Variants in STK3 observed in about 807,000 individuals in gnomAD.
The protein encoded by STK3 is serine/threonine kinase 3.
In STK3, 41 loss-of-function variants were observed where a neutral mutation model predicts 58.0. The ratio of observed to expected loss-of-function variants is 0.71; its 90% CI spans 0.55 to 0.92. STK3 has a LOEUF of 0.92. STK3 is among the 40% of genes least tolerant of loss of function. The pLI is 0.00. For synonymous variants in STK3, 170 were observed against 191.0 expected, an observed-to-expected ratio of 0.89 and a Z score of 0.91; for missense variants, 479 against 602.7, an observed-to-expected ratio of 0.79 and a Z score of 2.15.
At chr8:98,694,882 G>A (rs1381931957) in intron 6 of STK3, among the ~76,000 whole-genome samples, 1 of 152,116 alleles carries the variant, frequency 6.6e-6, no homozygotes, top group African/African-American at 2.4e-5. Context: ...GGGATGGCTG[G>A]GTCAAATGGT....
intron 1 of STK3, among the ~76,000 whole-genome samples, chr8:98,895,558 T>C (rs1265254752): frequency 6.6e-6 from 1 of 152,060 alleles, no homozygotes; most frequent in Non-Finnish European, 1.5e-5. Context: ...GCATGATCTG[T>C]TTAGGGGAAA....
At chr8:98,752,118 A>G (rs1390271869) in intron 3 of STK3, among the ~76,000 whole-genome samples, 1 of 152,158 alleles carries the variant, frequency 6.6e-6, no homozygotes, top group African/African-American at 2.4e-5. Context: ...ATATGGAACC[A>G]AAAAAGAGCC....
At chr8:98,723,475 T>C (rs1827580392) in intron 4 of STK3, among the ~76,000 whole-genome samples, 1 of 152,124 alleles carries the variant, frequency 6.6e-6, no homozygotes, top group Non-Finnish European at 1.5e-5. Flanking sequence ...ACCCACCAAC[T>C]TGTCTCAAGG....
At chr8:98,639,251 A>G (rs963315516) in intron 6 of STK3, among the ~76,000 whole-genome samples, 3 of 152,028 alleles carry the variant, frequency 2.0e-5, no homozygotes, top group Admixed American at 1.3e-4. Flanking sequence ...CTGGGACTAC[A>G]GGCGCATGCC....
At chr8:98,397,779 G>C (rs985535597), downstream of STK3, among the ~76,000 whole-genome samples, 11 of 152,122 alleles carry the variant, frequency 7.2e-5, no homozygotes, top group African/African-American at 2.2e-4. Flanking sequence ...ATGATAGTGA[G>C]TGAGCTCTCA....
intron 6 of STK3, among the ~76,000 whole-genome samples, chr8:98,692,120 G>C (rs2130954675): frequency 6.6e-6 from 1 of 152,182 alleles, no homozygotes; most frequent in African/African-American, 2.4e-5. Flanking sequence ...AAAAACAACA[G>C]AAAATAACAA....
chr8:98,850,048 T>C (rs17373115), intron 3 of STK3, among the ~76,000 whole-genome samples: 4,736 of 152,324 alleles, frequency 0.031, 98 homozygotes, highest in Middle Eastern at 0.068. Flanking sequence ...TATGAAATGT[T>C]TCTCAAATTT....
At chr8:98,797,044 T>G (rs559038584) in intron 1 of STK3, among the ~76,000 whole-genome samples, 12 of 152,354 alleles carry the variant, frequency 7.9e-5, no homozygotes, top group Admixed American at 7.8e-4. Flanking sequence ...CTTTGAAGTT[T>G]TGAAGCCAGC....
In STK3 at chr8:98,552,487, T is replaced by C. The variant is rs201520538; in HGVS notation, c.949-4326A>G. Reference sequence around the variant, plus strand: ...TCACCAAGCTCTAACCAAGCTGACCTCCTTTGCTGTTTCTTGAGCATTCTA... The same window carrying C: ...TCACCAAGCTCTAACCAAGCTGACCCCCTTTGCTGTTTCTTGAGCATTCTA... On this transcript the variant is annotated intron_variant, in intron 8 of 10. Transcript: ENST00000419617. Among the ~76,000 whole-genome samples the C allele has an allele frequency of 4.6e-5, 7 of 152,270 alleles. No individual in the cohort carries two copies. In the East Asian group the frequency reaches 1.4e-3, roughly 29 times the overall value.
chr8:98,391,772 C>A (rs1389518974), upstream of STK3, among the ~76,000 whole-genome samples: 1 of 152,100 alleles, frequency 6.6e-6, no homozygotes, highest in South Asian at 2.1e-4. Flanking sequence ...TGTGCTTACT[C>A]CATCTTAACT....
chr8:98,407,291 C>T (rs1818003272), intron 3 of STK3, among the ~76,000 whole-genome samples: 1 of 152,194 alleles, frequency 6.6e-6, no homozygotes, highest in Admixed American at 6.5e-5. Context: ...TCCTGTGATC[C>T]CCACCCTTCC....
intron 1 of STK3, chr8:98,906,374 C>T (rs1388317874): frequency 6.6e-6 from 1 of 152,410 alleles, no homozygotes; most frequent in African/African-American, 2.4e-5. Context: ...CTGTGCACCA[C>T]AGCGTGGTTG....
At chr8:98,397,544 CAAGA>C (rs1260730996), downstream of STK3, among the ~76,000 whole-genome samples, 4 of 151,890 alleles carry the variant, frequency 2.6e-5, no homozygotes, top group African/African-American at 9.7e-5. Context: ...TCAAAAAAGA[CAAGA>C]AAGAAAAGGA....
chr8:98,587,283 T>C (rs964906587), intron 7 of STK3, among the ~76,000 whole-genome samples: 1 of 152,068 alleles, frequency 6.6e-6, no homozygotes, highest in Admixed American at 6.5e-5. Context: ...GTCCCAGAGA[T>C]TCTGGTATGT....
chr8:98,872,357 T>A (rs1172113102), intron 3 of STK3, among the ~76,000 whole-genome samples: 1 of 152,206 alleles, frequency 6.6e-6, no homozygotes. Context: ...GTTGGCCTCA[T>A]AAAATGAATT....
chr8:98,471,076 T>C (rs1405267794), intron 10 of STK3, among the ~76,000 whole-genome samples: 2 of 152,166 alleles, frequency 1.3e-5, no homozygotes, highest in African/African-American at 2.4e-5. Flanking sequence ...AGAGAGTTTA[T>C]AGGTTTGTAG....
intron 3 of STK3, among the ~76,000 whole-genome samples, chr8:98,764,162 A>G (rs1830799634): frequency 6.6e-6 from 1 of 152,222 alleles, no homozygotes; most frequent in Non-Finnish European, 1.5e-5. Context: ...AGAAGTACCT[A>G]CTATGTGCAA....
rs557233602 is a variant in STK3 at position 98,766,934 on chromosome 8, C to T, written c.236+309G>A. ...GGTCAGGAGTTCGAGATCAGCCTGA[C>T]CAACATGGAGAAACCCATCTCTACT... On this transcript the variant is annotated intron_variant, in intron 3 of 10. Coordinates refer to ENST00000419617, the MANE Select transcript of STK3 (RefSeq NM_006281.4). 3.3e-5 allele frequency among the ~76,000 whole-genome samples: 5 copies of T among 152,198 alleles called. No homozygotes were observed. The East Asian group carries it at 9.7e-4, about 29-fold the overall frequency.
At chr8:98,819,392 T>G (rs1564031329) in intron 1 of STK3, among the ~76,000 whole-genome samples, 1 of 152,174 alleles carries the variant, frequency 6.6e-6, no homozygotes, top group Non-Finnish European at 1.5e-5. Flanking sequence ...AACAGAAGTT[T>G]GTTTACCGGA....
Sources: gnomAD v4.1 joint callset for allele counts (sites outside exome capture counted in the v4.1 genomes callset) on GRCh38, gnomAD v4.1.1 for gene constraint, MANE v1.5 for transcripts, NCBI Gene and HGNC (gene_info 2026-07-23, HGNC 2026-07-21) for gene names.